Variants in FAM9C observed in about 807,000 individuals in gnomAD.
The protein encoded by FAM9C is family with sequence similarity 9 member C, also known as protein FAM9C.
In FAM9C, 15 loss-of-function variants were observed where a neutral mutation model predicts 14.8. The observed-to-expected ratio is 1.02, with a 90% CI of 0.68 to 1.56. The LOEUF (loss-of-function observed/expected upper bound fraction) is 1.56. FAM9C is among the 40% of genes most tolerant of loss of function. The pLI, the probability that FAM9C is intolerant of heterozygous loss-of-function variation, is 0.00. For missense variants in FAM9C, 116 were observed against 118.0 expected, an observed-to-expected ratio of 0.98 and a Z score of 0.08; for synonymous variants, 45 against 37.5, an observed-to-expected ratio of 1.20 and a Z score of -0.74.
chrX:13,044,326 C>CCA (rs1392635097), intron 1 of FAM9C, among the ~76,000 whole-genome samples: 3 of 102,349 alleles, frequency 2.9e-5, no homozygotes, highest in African/African-American at 3.5e-5. Context: ...CCCCGACCCC[C>CCA]CCCCAAACGC....
chrX:13,043,892 G>A, intron 1 of FAM9C, 35 bp from the exon 2 acceptor site: 1 of 832,979 alleles, frequency 1.2e-6, no homozygotes, highest in Non-Finnish European at 1.8e-6. Context: ...GGACACTAAG[G>A]AAACGAGGCG....
chrX:13,042,804 A>T, intron 4 of FAM9C, 114 bp downstream of exon 4: 1 of 782,988 alleles, frequency 1.3e-6, no homozygotes, highest in Non-Finnish European at 2.0e-6. Context: ...AATGCTATAT[A>T]TGAGAAGAAG....
At chrX:13,037,036 A>T (rs2043485840) in intron 7 of FAM9C, 1 of 112,483 alleles carries the variant, frequency 8.9e-6, no homozygotes, top group Non-Finnish European at 1.9e-5. Flanking sequence ...GAAAGACAGA[A>T]GGCAGTAAAA....
At chrX:13,044,324 C>G (rs934277849) in intron 1 of FAM9C, among the ~76,000 whole-genome samples, 1 of 101,874 alleles carries the variant, frequency 9.8e-6, no homozygotes, top group Non-Finnish European at 2.0e-5. Context: ...CCCCCCGACC[C>G]CCCCCCAAAC....
chrX:13,044,321 A>ACCCCCCCCC (rs748879259), intron 1 of FAM9C, among the ~76,000 whole-genome samples: 2 of 76,843 alleles, frequency 2.6e-5, no homozygotes, highest in Admixed American at 1.5e-4. Context: ...TGACCCCCCG[A>ACCCCCCCCC]CCCCCCCCCA....
chrX:13,043,040 C>T, intron 3 of FAM9C, 88 bp downstream of exon 3: 1 of 1,166,030 alleles, frequency 8.6e-7, no homozygotes, highest in South Asian at 2.0e-5. Context: ...AAATGTTCTG[C>T]ATAGAACATA....
chrX:13,040,885 T>A lies in FAM9C; in HGVS notation c.215-13A>T, dbSNP rs2043520522. ...TCTTTAATGTCAGCTAGATAGTAAA[T>A]GAATATGCATTAAATGTTCATGTTG... On this transcript the variant is annotated splice_polypyrimidine_tract_variant and intron_variant, in intron 4 of 7. Transcript: ENST00000380625. 9.9e-7 allele frequency: 1 copy of A among 1,011,301 alleles called. No individual in the cohort carries two copies. 83.3% of individuals were successfully genotyped at this position (1,011,301 alleles called of 1,213,427 possible).
rs1264166300 is a variant in FAM9C, at chrX:13,040,770, G to A, written c.317C>T (p.Thr106Ile). 8.6e-7 allele frequency: 1 copy of A among 1,168,733 alleles called. No homozygotes were observed. Among genetic ancestry groups the A allele is most frequent in the African/African-American group, 1.8e-5 (1 of 55,891 alleles). Reference sequence around the variant, plus strand: ...CCAACAATCATACCTTTTTAGTTGTGTTGTTCTCAAAACATTTTTAATTCT... The same window carrying A: ...CCAACAATCATACCTTTTTAGTTGTATTGTTCTCAAAACATTTTTAATTCT... ...KNRIKNVLRT[T>I]QLKRQKRDYR... Residue 106 changes from threonine to isoleucine, a missense_variant, in exon 5 of 8, where the codon ACA (threonine) becomes ATA (isoleucine). By Grantham distance (89) the Thr-to-Ile change is moderately conservative. Transcript: ENST00000380625.
chrX:13,040,956 G>A, intron 4 of FAM9C, 84 bp from the exon 5 acceptor site: 2 of 470,855 alleles, frequency 4.2e-6, no homozygotes, highest in Non-Finnish European at 6.7e-6. Context: ...GGGACTTGAT[G>A]GTTCAGCAAT....
At chrX:13,037,733 G>A (rs1488564498) in intron 7 of FAM9C, 2 of 112,806 alleles carry the variant, frequency 1.8e-5, no homozygotes, top group Non-Finnish European at 3.8e-5. Context: ...TGAAGAAGCG[G>A]TCATTGTCCG....
chrX:13,035,621 GGTTT>G lies in FAM9C; in HGVS notation c.*419_*422del, dbSNP rs1157494671. On this transcript the variant is annotated 3_prime_UTR_variant, in exon 8 of 8. Coordinates refer to ENST00000380625, the MANE Select transcript of FAM9C (RefSeq NM_174901.6). ...ACAAAGAATGCACAGATAAAATAAG[GGTTT>G]GTCTTCTTTTATTAGAGAAAAATGT... is the stretch of plus-strand genomic sequence containing the variant. 8.9e-6 allele frequency: 1 copy of G among 112,207 alleles called. No individual in the cohort carries two copies. The highest frequency in any genetic ancestry group is 3.2e-5 in the African/African-American group (1 of 30,913). 9.2% of individuals were successfully genotyped at this position (112,207 alleles called of 1,213,427 possible). A position where few individuals can be genotyped will look rare whatever the true frequency, so the allele number is the denominator to read the frequency against.
intron 7 of FAM9C, 28 bp downstream of exon 7, chrX:13,038,388 A>G: frequency 2.8e-6 from 3 of 1,063,297 alleles, no homozygotes; most frequent in Non-Finnish European, 3.8e-6. Flanking sequence ...TTTTATAAGA[A>G]CGTATTGTGT....
chrX:13,042,837 C>T lies in FAM9C; in HGVS notation c.214+81G>A, dbSNP rs748774240. On this transcript the variant is annotated intron_variant, in intron 4 of 7. Transcript: ENST00000380625. ...AAGGCATTTAAGACAGTCTTGTCAT[C>T]CACTAATTCATATAACCTACTGTAA... 113 of 1,014,161 alleles carry T rather than the reference C, an allele frequency of 1.1e-4. No individual in the cohort carries two copies. The African/African-American group carries it at 1.7e-3, about 16-fold the overall frequency. The allele number at this position is 1,014,161 out of a possible 1,213,427, so 83.6% of individuals were successfully genotyped here. A position where few individuals can be genotyped will look rare whatever the true frequency, so the allele number is the denominator to read the frequency against.
chrX:13,040,428 G>A (rs1474545309), intron 5 of FAM9C: 1 of 365,391 alleles, frequency 2.7e-6, no homozygotes, highest in African/African-American at 2.8e-5. Flanking sequence ...ATTGAATATT[G>A]TTAAGAATCT....
rs975518509 is a variant in FAM9C at position 13,043,048 on chromosome X, A to G, written c.182+80T>C. 1.2e-5 allele frequency: 14 copies of G among 1,173,032 alleles called. No homozygotes were observed. In the Admixed American group the frequency reaches 2.2e-4, roughly 19 times the overall value. On this transcript the variant is annotated intron_variant, in intron 3 of 7. Transcript: ENST00000380625. The stretch of plus-strand genomic sequence containing the variant: ...TTGTGTGAAATGTTCTGCATAGAAC[A>G]TAACAGTGATGACATGATCCAAAGC...
intron 2 of FAM9C, among the ~76,000 whole-genome samples, 158 bp from the exon 3 acceptor site, chrX:13,043,406 A>G (rs1367431615): frequency 1.8e-5 from 2 of 112,543 alleles, no homozygotes; most frequent in Non-Finnish European, 3.8e-5. Flanking sequence ...TAACCATTTT[A>G]CGGAGGCATT....
chrX:13,039,725 TC>T, intron 6 of FAM9C, 82 bp downstream of exon 6: 1 of 1,133,105 alleles, frequency 8.8e-7, no homozygotes, highest in Non-Finnish European at 1.2e-6. Flanking sequence ...CTCTCTTCCT[TC>T]TTTGCTGGAT....
chrX:13,038,513 C>T lies in FAM9C; in HGVS notation c.439-10G>A. On this transcript the variant is annotated splice_polypyrimidine_tract_variant and intron_variant, in intron 6 of 7. Transcript: ENST00000380625. ...GCTCTTGAAATATTTTCTAGAGGCA[C>T]AAAACAAAAAAGTGATTAAAATTGG... The T allele has an allele frequency of 8.4e-7, 1 of 1,194,975 alleles. No homozygotes were observed. The highest frequency in any genetic ancestry group is 1.1e-6 in the Non-Finnish European group (1 of 887,899).
At chrX:13,041,161 A>C in intron 4 of FAM9C, 1 of 147,841 alleles carries the variant, frequency 6.8e-6, no homozygotes, top group Non-Finnish European at 1.3e-5. Context: ...AGGGTTACAA[A>C]CACAGACTTT....
Sources: gnomAD v4.1 joint callset for allele counts (sites outside exome capture counted in the v4.1 genomes callset) on GRCh38, gnomAD v4.1.1 for gene constraint, MANE v1.5 for transcripts, NCBI Gene and HGNC (gene_info 2026-07-23, HGNC 2026-07-21) for gene names.